TMSB15B: variants seen among roughly 807,000 people sequenced by gnomAD.
The protein encoded by TMSB15B is thymosin beta 15B.
intron 1 of TMSB15B, among the ~76,000 whole-genome samples, chrX:103,939,633 C>A (rs1248143829): frequency 9.0e-6 from 1 of 110,704 alleles, no homozygotes; most frequent in African/African-American, 3.3e-5. Flanking sequence ...TCTGTTATTA[C>A]CGACCTTCTG....
At chrX:103,941,689 A>G (rs781914998) in intron 1 of TMSB15B, among the ~76,000 whole-genome samples, 3 of 112,119 alleles carry the variant, frequency 2.7e-5, no homozygotes, top group South Asian at 7.4e-4. Context: ...AGCACCTTCA[A>G]TTTAATTGGA....
chrX:103,928,480 G>A, intron 1 of TMSB15B: 1 of 1,204,367 alleles, frequency 8.3e-7, no homozygotes. Flanking sequence ...CCTGGTGGAG[G>A]CTGTGGCACT....
intron 1 of TMSB15B, chrX:103,932,301 T>C (rs1221313459): frequency 1.8e-5 from 2 of 111,414 alleles, no homozygotes; most frequent in Non-Finnish European, 3.8e-5. Flanking sequence ...TATGACGCTA[T>C]CTCCAGGTAG....
At chrX:103,939,982 G>A (rs1410597394) in intron 1 of TMSB15B, among the ~76,000 whole-genome samples, 6 of 111,749 alleles carry the variant, frequency 5.4e-5, no homozygotes, top group African/African-American at 2.0e-4. Context: ...ATCACTAGTG[G>A]AGGCTGTAGA....
chrX:103,941,750 C>T (rs1556325219), intron 1 of TMSB15B, among the ~76,000 whole-genome samples: 1 of 111,953 alleles, frequency 8.9e-6, no homozygotes, highest in African/African-American at 3.2e-5. Context: ...CCTTACTAGC[C>T]AGGTTTAACA....
intron 1 of TMSB15B, among the ~76,000 whole-genome samples, chrX:103,923,719 G>GT (rs781864730): frequency 4.5e-5 from 5 of 111,714 alleles, no homozygotes; most frequent in Admixed American, 2.8e-4. Flanking sequence ...TTTTAAAGTA[G>GT]TTTTTTCCAA....
intron 1 of TMSB15B, among the ~76,000 whole-genome samples, chrX:103,940,775 G>A (rs1284606275): frequency 9.0e-6 from 1 of 111,456 alleles, no homozygotes; most frequent in Admixed American, 9.5e-5. Context: ...AAACTCCTAC[G>A]GCTAGCTTGG....
At chrX:103,929,651 G>A (rs2074978962) in intron 1 of TMSB15B, among the ~76,000 whole-genome samples, 1 of 111,080 alleles carries the variant, frequency 9.0e-6, no homozygotes, top group Admixed American at 9.6e-5. Context: ...TGTGACCCAT[G>A]GATGGAAATG....
At chrX:103,921,636 T>C (rs782711484) in intron 1 of TMSB15B, among the ~76,000 whole-genome samples, 2 of 112,416 alleles carry the variant, frequency 1.8e-5, no homozygotes, top group Non-Finnish European at 3.8e-5. Flanking sequence ...CTGTTCCAAC[T>C]GATGGCTCTA....
intron 1 of TMSB15B, among the ~76,000 whole-genome samples, chrX:103,935,286 G>C (rs1276015502): frequency 8.9e-6 from 1 of 111,970 alleles, no homozygotes; most frequent in African/African-American, 3.3e-5. Flanking sequence ...CCCCCATTCT[G>C]TAGGTTGCCT....
chrX:103,946,818 GTAGA>G (rs2075026894), intron 1 of TMSB15B, among the ~76,000 whole-genome samples: 1 of 111,697 alleles, frequency 9.0e-6, no homozygotes, highest in South Asian at 3.8e-4. Context: ...TGTCCTCAGA[GTAGA>G]TAATTTCCTA....
chrX:103,934,869 C>T (rs191465205), intron 1 of TMSB15B, among the ~76,000 whole-genome samples: 1 of 111,809 alleles, frequency 8.9e-6, no homozygotes, highest in East Asian at 2.8e-4. Flanking sequence ...AATGAGATTG[C>T]TGAGTCAAAT....
chrX:103,949,769 G>A lies in TMSB15B; in HGVS notation c.-720-12252G>A, dbSNP rs548098553. ...TGAAGATCTGGCCTGCAGACATGAA[G>A]TTGGAAGTTAACCTAGAAATATTTT... On this transcript the variant is annotated intron_variant, in intron 1 of 3. Transcript: ENST00000419165. 1.2e-4 allele frequency among the ~76,000 whole-genome samples: 14 copies of A among 112,183 alleles called. No homozygotes were observed. In the South Asian group the frequency reaches 5.2e-3, roughly 42 times the overall value.
intron 1 of TMSB15B, among the ~76,000 whole-genome samples, chrX:103,937,159 T>A (rs782032376): frequency 8.9e-6 from 1 of 112,149 alleles, no homozygotes; most frequent in Non-Finnish European, 1.9e-5. Flanking sequence ...GACAGGTTTT[T>A]GTATCAGGAT....
intron 1 of TMSB15B, among the ~76,000 whole-genome samples, chrX:103,946,605 C>G (rs1490216443): frequency 9.0e-6 from 1 of 111,643 alleles, no homozygotes; most frequent in African/African-American, 3.3e-5. Context: ...GGAAAAGGCA[C>G]ATATAGTACA....
At chrX:103,949,769 G>T (rs548098553) in intron 1 of TMSB15B, among the ~76,000 whole-genome samples, 1 of 112,128 alleles carries the variant, frequency 8.9e-6, no homozygotes, top group African/African-American at 3.2e-5. Context: ...CAGACATGAA[G>T]TTGGAAGTTA....
chrX:103,929,008 A>G (rs1188332443), intron 1 of TMSB15B: 14 of 1,163,273 alleles, frequency 1.2e-5, no homozygotes, highest in Non-Finnish European at 1.4e-5. Flanking sequence ...GAAAGAGCTG[A>G]AGACTGACTA....
chrX:103,944,047 C>A (rs2075019078), intron 1 of TMSB15B, among the ~76,000 whole-genome samples: 1 of 111,959 alleles, frequency 8.9e-6, no homozygotes, highest in South Asian at 3.7e-4. Context: ...CTAGAAGAAT[C>A]CAGGTCTTTT....
chrX:103,954,970 G>C (rs2075047745), intron 1 of TMSB15B, among the ~76,000 whole-genome samples: 1 of 111,312 alleles, frequency 9.0e-6, no homozygotes, highest in African/African-American at 3.3e-5. Flanking sequence ...CAAGGAGCCA[G>C]AGAACAAAGT....
Sources: gnomAD v4.1 joint callset for allele counts (sites outside exome capture counted in the v4.1 genomes callset) on GRCh38, gnomAD v4.1.1 for gene constraint, MANE v1.5 for transcripts, NCBI Gene and HGNC (gene_info 2026-07-23, HGNC 2026-07-21) for gene names.